Variants in PIGN observed in about 807,000 individuals in gnomAD.
The protein encoded by PIGN is phosphatidylinositol glycan anchor biosynthesis class N, also known as GPI ethanolamine phosphate transferase 1.
Under a neutral mutation model 125.4 loss-of-function variants are expected in PIGN, and 117 were observed. The ratio of observed to expected loss-of-function variants is 0.93; its 90% CI spans 0.80 to 1.09. PIGN has a LOEUF of 1.09. Ranked by LOEUF, PIGN falls within the 50% of genes least tolerant of loss-of-function variation. The probability of loss-of-function intolerance (pLI) is 0.00; values close to 1 mark genes in which losing one functional copy is unlikely to be tolerated. For missense variants in PIGN, 1,075 were observed against 1,094.9 expected, an observed-to-expected ratio of 0.98 and a Z score of 0.26; for synonymous variants, 392 against 377.8, an observed-to-expected ratio of 1.04 and a Z score of -0.44.
intron 30 of PIGN, among the ~76,000 whole-genome samples, chr18:62,048,971 C>T (rs993931831): frequency 6.6e-5 from 10 of 151,160 alleles, no homozygotes; most frequent in East Asian, 1.9e-4. Context: ...TTTGTCCTTG[C>T]GATAGTTTAC....
At chr18:62,075,554 A>T (rs1278091980) in intron 28 of PIGN, 4 of 152,222 alleles carry the variant, frequency 2.6e-5, no homozygotes, top group Non-Finnish European at 4.4e-5. Context: ...GTACTCCATC[A>T]TATGGATATA....
At chr18:62,129,754 A>G (rs1298032991) in intron 14 of PIGN, among the ~76,000 whole-genome samples, 1 of 152,220 alleles carries the variant, frequency 6.6e-6, no homozygotes, top group Admixed American at 6.5e-5. Context: ...AAGTAAATCA[A>G]TGAAGCATTG....
At chr18:62,169,173 T>C (rs1211059153) in intron 1 of PIGN, among the ~76,000 whole-genome samples, 2 of 152,140 alleles carry the variant, frequency 1.3e-5, no homozygotes, top group African/African-American at 4.8e-5. Context: ...TCTACCACTA[T>C]AGATTTGTTT....
chr18:62,178,840 G>A (rs1055632096), intron 1 of PIGN, among the ~76,000 whole-genome samples: 8 of 152,100 alleles, frequency 5.3e-5, no homozygotes, highest in Admixed American at 5.2e-4. Context: ...TAGACTAGAG[G>A]TTATTAGTTC....
intron 30 of PIGN, among the ~76,000 whole-genome samples, chr18:62,046,435 G>A (rs1463811990): frequency 1.7e-5 from 2 of 119,266 alleles, no homozygotes; most frequent in African/African-American, 2.8e-5. Context: ...GGCAGCATTA[G>A]ATTCTCAGAG....
chr18:62,174,809 G>GA (rs1200170119), intron 1 of PIGN, among the ~76,000 whole-genome samples: 1 of 151,354 alleles, frequency 6.6e-6, no homozygotes, highest in Non-Finnish European at 1.5e-5. Context: ...TAGCTGAACA[G>GA]AAAAATGAAT....
intron 23 of PIGN, among the ~76,000 whole-genome samples, chr18:62,025,642 C>T (rs1286649644): frequency 6.6e-6 from 1 of 152,184 alleles, no homozygotes; most frequent in Non-Finnish European, 1.5e-5. Flanking sequence ...GACATTCCCT[C>T]CAGGTTGCAT....
At chr18:62,046,517 A>G (rs961096534) in intron 30 of PIGN, among the ~76,000 whole-genome samples, 1 of 84,268 alleles carries the variant, frequency 1.2e-5, no homozygotes, top group African/African-American at 3.5e-5. Context: ...AATCTAACGA[A>G]TGCCTGATGA....
chr18:62,071,608 C>T (rs1319599902), intron 30 of PIGN, among the ~76,000 whole-genome samples: 1 of 151,818 alleles, frequency 6.6e-6, no homozygotes, highest in Non-Finnish European at 1.5e-5. Flanking sequence ...CAATGGACTG[C>T]ATATACATGG....
chr18:62,082,229 T>C (rs932556380), intron 28 of PIGN, among the ~76,000 whole-genome samples: 2 of 152,170 alleles, frequency 1.3e-5, no homozygotes, highest in Non-Finnish European at 2.9e-5. Flanking sequence ...AAACTGAGTA[T>C]ATTTTTGACA....
chr18:62,180,278 T>C (rs2037669953), intron 1 of PIGN, among the ~76,000 whole-genome samples: 1 of 152,212 alleles, frequency 6.6e-6, no homozygotes, highest in Admixed American at 6.5e-5. Flanking sequence ...AGTGTGTTTT[T>C]TTCCTGTGTA....
chr18:62,090,608 AG>A, intron 23 of PIGN, 30 bp from the exon 24 acceptor site: 3 of 1,296,444 alleles, frequency 2.3e-6, no homozygotes, highest in Non-Finnish European at 3.3e-6. Context: ...AGAAATGAAA[AG>A]AAAAAAACAG....
At chr18:62,088,632 T>C in intron 25 of PIGN, 124 bp downstream of exon 25, 1 of 613,946 alleles carries the variant, frequency 1.6e-6, no homozygotes, top group Non-Finnish European at 2.9e-6. Flanking sequence ...GAGAAAACTA[T>C]AGTTCAGGGA....
At chr18:62,143,954 G>C (rs1310102394) in intron 10 of PIGN, among the ~76,000 whole-genome samples, 2 of 152,106 alleles carry the variant, frequency 1.3e-5, no homozygotes, top group Non-Finnish European at 2.9e-5. Flanking sequence ...AGACCGTCTT[G>C]ATTTAATGGC....
rs1243956085 is a variant in PIGN at position 62,105,654 on chromosome 18, T to C, written c.1768-20A>G. 1 of 1,411,690 alleles carries C rather than the reference T, an allele frequency of 7.1e-7. No homozygotes were observed. Among genetic ancestry groups the C allele is most frequent in the East Asian group, 2.5e-5 (1 of 40,242 alleles). The allele number at this position is 1,411,690 out of a possible 1,614,324, so 87.4% of individuals were successfully genotyped here. The stretch of plus-strand genomic sequence containing the variant: ...GGTCATCTAAAATCAAGAAAAAAGT[T>C]ATCTTTAGACAAATATGGTATAGAA... On this transcript the variant is annotated intron_variant, in intron 19 of 30. Transcript: ENST00000640252.
At chr18:62,175,707 A>C (rs1489251501) in intron 1 of PIGN, among the ~76,000 whole-genome samples, 1 of 152,194 alleles carries the variant, frequency 6.6e-6, no homozygotes, top group Non-Finnish European at 1.5e-5. Context: ...GAATGAAGGC[A>C]ATGACTGTGT....
At chr18:62,179,270 C>T (rs2037634241) in intron 1 of PIGN, among the ~76,000 whole-genome samples, 1 of 152,120 alleles carries the variant, frequency 6.6e-6, no homozygotes, top group Admixed American at 6.5e-5. Flanking sequence ...TGTAAAGTTT[C>T]TCCATGTAAA....
At chr18:62,092,963 T>C (rs1405972458) in intron 23 of PIGN, among the ~76,000 whole-genome samples, 1 of 152,068 alleles carries the variant, frequency 6.6e-6, no homozygotes, top group East Asian at 1.9e-4. Context: ...AATTGTTTGA[T>C]TTTGTAATTG....
rs750010191 is a variant in PIGN at position 62,084,572 on chromosome 18, C to T, written c.2461G>A (p.Val821Met). ...DLASVYCFLTVFSPFMMGALM... is the reference protein window; with the variant it reads ...DLASVYCFLTMFSPFMMGALM... ...GCTCCCATCATAAAAGGACTGAACA[C>T]AGTCAGAAAGCAATAGACAGAGGCA... Residue 821 changes from valine to methionine, a missense_variant, in exon 27 of 31, where the codon GTG becomes ATG. By Grantham distance (21) the Val-to-Met change is conservative. Coordinates refer to ENST00000640252, the MANE Select transcript of PIGN (RefSeq NM_176787.5). 1.9e-6 allele frequency: 3 copies of T among 1,560,326 alleles called. No individual in the cohort carries two copies. Among genetic ancestry groups the T allele is most frequent in the Non-Finnish European group, 2.6e-6 (3 of 1,151,004 alleles).
Sources: allele counts gnomAD v4.1 joint callset (sites outside exome capture counted in the v4.1 genomes callset), GRCh38; gene constraint gnomAD v4.1.1; transcripts MANE v1.5; gene names NCBI Gene and HGNC (gene_info 2026-07-23, HGNC 2026-07-21).